KCNH1: variants seen among roughly 807,000 people sequenced by gnomAD.
KCNH1 encodes potassium voltage-gated channel subfamily H member 1.
KCNH1 carries 27 observed loss-of-function variants against 69.2 expected under a neutral mutation model. The ratio of observed to expected loss-of-function variants is 0.39; its 90% CI spans 0.29 to 0.54. KCNH1 has a LOEUF of 0.54. Ranked by LOEUF, KCNH1 falls within the 20% of genes least tolerant of loss-of-function variation. The pLI is 0.68. For synonymous variants in KCNH1, 456 were observed against 487.7 expected (o/e 0.93, Z 0.86); for missense variants, 798 against 1,261.6 (o/e 0.63, Z 5.57).
At chr1:210,849,644 G>A (rs1367032813) in intron 7 of KCNH1, among the ~76,000 whole-genome samples, 1 of 152,044 alleles carries the variant, frequency 6.6e-6, no homozygotes, top group East Asian at 1.9e-4. Flanking sequence ...GGGATTACAG[G>A]CATGAGCCAC....
At chr1:210,945,785 C>T (rs79324437) in intron 6 of KCNH1, among the ~76,000 whole-genome samples, 7,440 of 152,254 alleles carry the variant, frequency 0.049, 281 homozygotes, top group Non-Finnish European at 0.072. Flanking sequence ...ACATTGGCAC[C>T]CAATTGTCCT....
intron 5 of KCNH1, among the ~76,000 whole-genome samples, chr1:211,055,753 C>A (rs1033896529): frequency 1.3e-5 from 2 of 152,198 alleles, no homozygotes; most frequent in African/African-American, 4.8e-5. Flanking sequence ...AGGCAAAGTT[C>A]TGGGGCCCCC....
intron 6 of KCNH1, among the ~76,000 whole-genome samples, chr1:210,990,361 A>G (rs894241837): frequency 2.6e-5 from 4 of 152,234 alleles, no homozygotes; most frequent in African/African-American, 9.6e-5. Flanking sequence ...TGTATATTGC[A>G]GCATCCCGGA....
At chr1:210,807,633 A>AAATAAAT (rs1553346823) in intron 7 of KCNH1, among the ~76,000 whole-genome samples, 1 of 151,196 alleles carries the variant, frequency 6.6e-6, no homozygotes, top group African/African-American at 2.4e-5. Flanking sequence ...ATAAATAAAT[A>AAATAAAT]AATAATAATA....
intron 10 of KCNH1, among the ~76,000 whole-genome samples, chr1:210,688,375 A>G (rs12735867): frequency 0.048 from 7,368 of 152,272 alleles, 265 homozygotes; most frequent in Middle Eastern, 0.078. Context: ...TCCATTGCAG[A>G]TGCATTACCC....
chr1:210,828,555 C>T (rs550256353), intron 7 of KCNH1, among the ~76,000 whole-genome samples: 2 of 152,234 alleles, frequency 1.3e-5, no homozygotes, highest in South Asian at 4.2e-4. Context: ...GTAATTTTTC[C>T]TCTTTTGCTA....
At chr1:210,840,301 G>A (rs1201635286) in intron 7 of KCNH1, among the ~76,000 whole-genome samples, 1 of 151,056 alleles carries the variant, frequency 6.6e-6, no homozygotes, top group Non-Finnish European at 1.5e-5. Flanking sequence ...AAAATAAAAC[G>A]AAAAAAAACA....
intron 1 of KCNH1, among the ~76,000 whole-genome samples, chr1:211,110,020 C>A (rs1691429047): frequency 4.1e-5 from 6 of 144,810 alleles, no homozygotes; most frequent in African/African-American, 5.2e-5. Flanking sequence ...AGACAAGAAA[C>A]AGAGAAGAAA....
At chr1:211,045,049 T>TATATATATATAG (rs1690071438) in intron 5 of KCNH1, among the ~76,000 whole-genome samples, 2 of 103,840 alleles carry the variant, frequency 1.9e-5, no homozygotes, top group Admixed American at 9.1e-5. Context: ...GGGATATATA[T>TATATATATATAG]ATATATATAT....
At chr1:210,866,992 A>C (rs771231518) in intron 7 of KCNH1, among the ~76,000 whole-genome samples, 1 of 152,102 alleles carries the variant, frequency 6.6e-6, no homozygotes, top group Non-Finnish European at 1.5e-5. Context: ...ATGTTATTCC[A>C]AGTGAAATAA....
At chr1:211,029,724 A>C (rs1051375273) in intron 5 of KCNH1, among the ~76,000 whole-genome samples, 15 of 152,204 alleles carry the variant, frequency 9.9e-5, no homozygotes, top group Admixed American at 9.8e-4. Flanking sequence ...AATAAATGGC[A>C]TCCAGATCAG....
At chr1:211,004,587 GGAGAAAAA>G (rs1023031931) in intron 6 of KCNH1, among the ~76,000 whole-genome samples, 13 of 151,304 alleles carry the variant, frequency 8.6e-5, no homozygotes, top group Non-Finnish European at 1.8e-4. Context: ...AAAGAGGAGA[GGAGAAAAA>G]GAGAAAAAGT....
intron 6 of KCNH1, among the ~76,000 whole-genome samples, chr1:210,949,925 A>C (rs1202347438): frequency 6.6e-6 from 1 of 152,264 alleles, no homozygotes; most frequent in East Asian, 1.9e-4. Flanking sequence ...TTTAAAAGAA[A>C]GAATGGAAAA....
chr1:210,803,837 C>T (rs79936010), intron 8 of KCNH1, 130 bp downstream of exon 8: 1 of 752,978 alleles, frequency 1.3e-6, no homozygotes, highest in Non-Finnish European at 2.2e-6. Flanking sequence ...GAGGTAGGAC[C>T]TGGAATCCCA....
intron 9 of KCNH1, among the ~76,000 whole-genome samples, chr1:210,777,676 C>T (rs1344642726): frequency 6.6e-6 from 1 of 152,196 alleles, no homozygotes; most frequent in African/African-American, 2.4e-5. Context: ...CCCACAATGG[C>T]TCATGCACCC....
chr1:211,013,260 G>T (rs1209942428), intron 6 of KCNH1, among the ~76,000 whole-genome samples: 1 of 152,234 alleles, frequency 6.6e-6, no homozygotes, highest in Non-Finnish European at 1.5e-5. Context: ...GCAGGGAATA[G>T]TGAGCCTAGA....
chr1:210,975,760 T>C (rs1437954328), intron 6 of KCNH1, among the ~76,000 whole-genome samples: 1 of 152,084 alleles, frequency 6.6e-6, no homozygotes, highest in African/African-American at 2.4e-5. Context: ...GGGATCTAAT[T>C]AAACTAAAGA....
chr1:210,917,067 G>C (rs1413254736), intron 7 of KCNH1, among the ~76,000 whole-genome samples: 1 of 151,846 alleles, frequency 6.6e-6, no homozygotes, highest in East Asian at 1.9e-4. Context: ...AGAATCACTT[G>C]AACCCAAGAA....
intron 1 of KCNH1, among the ~76,000 whole-genome samples, chr1:211,124,476 T>C (rs1175327454): frequency 6.6e-6 from 1 of 152,170 alleles, no homozygotes; most frequent in Non-Finnish European, 1.5e-5. Context: ...AAACCCCGTC[T>C]CTACTAAAAT....
Sources: gnomAD v4.1 joint callset for allele counts (sites outside exome capture counted in the v4.1 genomes callset) on GRCh38, gnomAD v4.1.1 for gene constraint, MANE v1.5 for transcripts, NCBI Gene and HGNC (gene_info 2026-07-23, HGNC 2026-07-21) for gene names.